The following ALPG variants were observed in gnomAD, a reference collection of about 807,000 sequenced individuals.
ALPG encodes alkaline phosphatase, germ cell type.
Under a neutral mutation model 48.6 loss-of-function variants are expected in ALPG, and 32 were observed. That is an observed-to-expected ratio of 0.66 (90% CI 0.50 to 0.88). The LOEUF is 0.88. Among genes scored for constraint, ALPG ranks in the 40% least tolerant of loss-of-function variants. The probability of loss-of-function intolerance (pLI) is 0.00; values close to 1 mark genes in which losing one functional copy is unlikely to be tolerated. For missense variants in ALPG, 533 were observed against 718.1 expected (o/e 0.74, Z 2.95); for synonymous variants, 244 against 308.9 (o/e 0.79, Z 2.20).
chr2:232,408,047 G>C (rs375443589), intron 5 of ALPG, 30 bp downstream of exon 5: 8 of 1,594,166 alleles, frequency 5.0e-6, no homozygotes, highest in Non-Finnish European at 6.8e-6. Flanking sequence ...GGCTGGGGCT[G>C]GGCAGAGAGT....
intron 1 of ALPG, 45 bp from the exon 2 acceptor site, chr2:232,407,012 C>A (rs1263688912): frequency 1.2e-6 from 2 of 1,610,178 alleles, no homozygotes; most frequent in South Asian, 1.1e-5. Flanking sequence ...ACACAGGGCA[C>A]CCCCCAGCCC....
chr2:232,407,794 A>G, intron 4 of ALPG, 26 bp downstream of exon 4: 1 of 1,613,780 alleles, frequency 6.2e-7, no homozygotes, highest in East Asian at 2.2e-5. Context: ...CTGTGGGGTC[A>G]GGGCCAGGTG....
rs764875560 is a variant in ALPG at position 232,407,699 on chromosome 2, C to T, written c.406C>T (p.Arg136Cys). ...GACCATTGGCTTGAGTGCAGCCGCC[C>T]GCTTTAACCAGTGCAACACGACACG... The part of the protein sequence containing the change: ...FQTIGLSAAA[R>C]FNQCNTTRGN... The change falls in exon 4 of 11, where the codon CGC becomes TGC. Residue 136 changes from arginine (R) to cysteine (C), a missense_variant. By Grantham distance (180) the Arg-to-Cys change is radical. Coordinates refer to ENST00000295453, the MANE Select transcript of ALPG (RefSeq NM_031313.3). 36 of 1,613,682 alleles carry T rather than the reference C, an allele frequency of 2.2e-5. 1 individual carries two copies. The highest frequency in any genetic ancestry group is 1.0e-4 in the Admixed American group (6 of 59,994).
rs1306003777 is a variant in ALPG at position 232,408,420 on chromosome 2, T to C, written c.783+19T>C. On this transcript the variant is annotated intron_variant, in intron 6 of 10. Coordinates refer to ENST00000295453, the MANE Select transcript of ALPG (RefSeq NM_031313.3). ...GCACCAGGTGATGGGGGCTGGTGGG[T>C]GTGCTGGGCACAGCAGGGGGAGGGC... 6.9e-7 allele frequency: 1 copy of C among 1,454,520 alleles called. No individual in the cohort carries two copies. Among genetic ancestry groups the C allele is most frequent in the Admixed American group, 1.8e-5 (1 of 55,682 alleles). The allele number at this position is 1,454,520 out of a possible 1,614,324, so 90.1% of individuals were successfully genotyped here.
In ALPG at chr2:232,409,690, G is replaced by C; in HGVS notation, c.1417G>C (p.Glu473Gln). The change falls in exon 11 of 11, where the codon GAG becomes CAG. Residue 473 changes from glutamate to glutamine, a missense_variant. Around this residue, in one of 6 missense-constraint regions of ALPG, gnomAD observed 145 missense variants for 174.3 expected, o/e 0.83. Transcript: ENST00000295453. Reference protein sequence around the residue: ...PQAHLVHGVQEQTFIAHVMAF... With the variant: ...PQAHLVHGVQQQTFIAHVMAF... ...GGCGCACCTGGTTCACGGCGTGCAGGAGCAGACCTTCATAGCGCACGTCAT... is the reference window on the plus strand; with the variant it reads ...GGCGCACCTGGTTCACGGCGTGCAGCAGCAGACCTTCATAGCGCACGTCAT... The C allele has an allele frequency of 6.2e-7, 1 of 1,611,576 alleles. No homozygotes were observed. Among genetic ancestry groups the C allele is most frequent in the Non-Finnish European group, 8.5e-7 (1 of 1,179,200 alleles).
chr2:232,407,717 A>G lies in ALPG; in HGVS notation c.424A>G (p.Thr142Ala), dbSNP rs1006383711. The G allele has an allele frequency of 6.2e-7, 1 of 1,613,676 alleles. No homozygotes were observed. The highest frequency in any genetic ancestry group is 1.3e-5 in the African/African-American group (1 of 74,942). ...SAAARFNQCN[T>A]TRGNEVISVM... ...AGCCGCCCGCTTTAACCAGTGCAAC[A>G]CGACACGCGGCAACGAGGTCATCTC... is the stretch of plus-strand genomic sequence containing the variant. The change falls in exon 4 of 11, where the codon ACG becomes GCG. Residue 142 changes from threonine (T) to alanine (A), a missense_variant. Around this residue, in one of 6 missense-constraint regions of ALPG, gnomAD observed 315 missense variants for 305.8 expected, o/e 1.03. Transcript: ENST00000295453.
Position 232,409,839 on chromosome 2 carries a change from C to T in ALPG, c.1566C>T (p.Thr522=). ...CGTTGCTTCCTCTGCTGGCAGGGAC[C>T]TTGCTGCTGCTGGGGACGGCCACTG... ...VPALLPLLAG[T]LLLLGTATAP Residue 522 remains threonine (T), a synonymous_variant, in exon 11 of 11, where the codon ACC becomes ACT. Transcript: ENST00000295453. 5.0e-6 allele frequency: 8 copies of T among 1,585,458 alleles called. No individual in the cohort carries two copies. The highest frequency in any genetic ancestry group is 6.8e-6 in the Non-Finnish European group (8 of 1,169,152).
rs766272646 is a variant in ALPG at position 232,407,961 on chromosome 2, C to T, written c.592C>T (p.Arg198Cys). The change falls in exon 5 of 11, where the codon CGC (arginine) becomes TGC (cysteine). Residue 198 changes from arginine to cysteine, a missense_variant. Arg to Cys is a radical substitution (Grantham distance 180). Transcript: ENST00000295453. ...YSDADVPASA[R>C]QEGCQDIATQ... ...GGATGCCGACGTGCCTGCCTCGGCCCGCCAGGAGGGGTGCCAGGACATCGC... is the reference window on the plus strand; with the variant it reads ...GGATGCCGACGTGCCTGCCTCGGCCTGCCAGGAGGGGTGCCAGGACATCGC... 6.8e-6 allele frequency: 11 copies of T among 1,613,044 alleles called. No individual in the cohort carries two copies. The highest frequency in any genetic ancestry group is 2.2e-5 in the East Asian group (1 of 44,882).
In ALPG at chr2:232,408,512, C is replaced by G. The variant is rs139635053; in HGVS notation, c.795C>G (p.Tyr265Ter). ...CTCCCTCCCCGCAGGGTGCCCGGTA[C>G]GTGTGGAACCGCACTGAGCTCCTGC... Reference protein sequence around the residue: ...EWLAKHQGARYVWNRTELLQA... With the variant: ...EWLAKHQGAR Residue 265 changes from tyrosine (Y) to a stop codon, truncating the protein, a stop_gained, in exon 7 of 11, where the codon TAC becomes TAG. Transcript: ENST00000295453. LOFTEE classifies it high-confidence loss of function. 8 of 1,592,282 alleles carry G rather than the reference C, an allele frequency of 5.0e-6. No individual in the cohort carries two copies. Among genetic ancestry groups the G allele is most frequent in the South Asian group, 1.1e-5 (1 of 90,104 alleles).
At position 232,409,662 on chromosome 2, in the gene ALPG, G is replaced by A. The variant is rs1483187011; in HGVS notation, c.1389G>A (p.Pro463=). The stretch of plus-strand genomic sequence containing the variant: ...ACGTGGCGGTGTTCGCGCGCGGCCC[G>A]CAGGCGCACCTGGTTCACGGCGTGC... ...GEDVAVFARG[P]QAHLVHGVQE... Residue 463 remains proline (P), a synonymous_variant, in exon 11 of 11, where the codon CCG becomes CCA. Coordinates refer to ENST00000295453, the MANE Select transcript of ALPG (RefSeq NM_031313.3). The A allele has an allele frequency of 6.8e-6, 11 of 1,611,640 alleles. No homozygotes were observed. The East Asian group carries it at 1.1e-4, about 16-fold the overall frequency.
chr2:232,408,635 T>C (rs1697135493), intron 7 of ALPG, 62 bp downstream of exon 7: 2 of 1,499,626 alleles, frequency 1.3e-6, no homozygotes, highest in Admixed American at 3.5e-5. Flanking sequence ...CTTCTGAGCC[T>C]GTGTGCACAT....
chr2:232,407,313 C>G lies in ALPG; in HGVS notation c.212C>G (p.Ala71Gly). 1 of 1,613,904 alleles carries G rather than the reference C, an allele frequency of 6.2e-7. No homozygotes were observed. The highest frequency in any genetic ancestry group is 8.5e-7 in the Non-Finnish European group (1 of 1,179,976). ...DGMGVSTVTA[A>G]RILKGQKKDK... ...ATGGGGGTGTCTACGGTGACAGCTG[C>G]CAGGATCCTAAAAGGGCAGAAGAAG... The change falls in exon 3 of 11, where the codon GCC becomes GGC. Residue 71 changes from alanine (A) to glycine (G), a missense_variant. Ala to Gly is a moderately conservative substitution (Grantham distance 60). This residue lies in a region of ALPG where 315 missense variants were observed against 305.8 expected (regional missense o/e 1.03). Coordinates refer to ENST00000295453, the MANE Select transcript of ALPG (RefSeq NM_031313.3).
Position 232,409,563 on chromosome 2 carries a change from C to T in ALPG, c.1301-11C>T, listed in dbSNP as rs1697151704. The stretch of plus-strand genomic sequence containing the variant: ...CTGAAACTTCCTACTGAAACTGAAC[C>T]CTCCAACCAGGGAGCCCCGAGTATC... On this transcript the variant is annotated splice_polypyrimidine_tract_variant and intron_variant, in intron 10 of 10. Transcript: ENST00000295453. 1.9e-6 allele frequency: 3 copies of T among 1,612,478 alleles called. No homozygotes were observed. Among genetic ancestry groups the T allele is most frequent in the Non-Finnish European group, 2.5e-6 (3 of 1,179,436 alleles).
chr2:232,409,782 C>A lies in ALPG; in HGVS notation c.1509C>A (p.Asp503Glu), dbSNP rs760321300. 2 of 1,603,204 alleles carry A rather than the reference C, an allele frequency of 1.2e-6. No homozygotes were observed. The highest frequency in any genetic ancestry group is 1.7e-6 in the Non-Finnish European group (2 of 1,175,760). Residue 503 changes from aspartate to glutamate, a missense_variant, in exon 11 of 11, where the codon GAC becomes GAA. Coordinates refer to ENST00000295453, the MANE Select transcript of ALPG (RefSeq NM_031313.3). ...TGGCGCCCCGCGCCGGCACCACCGA[C>A]GCCGCGCACCCGGGGCCGTCCGTGG... ...CDLAPRAGTT[D>E]AAHPGPSVVP...
At position 232,406,899 on chromosome 2, in the gene ALPG, A is replaced by T. The variant is rs1130334; in HGVS notation, c.5A>T (p.Gln2Leu). Reference protein sequence around the residue: MQGPWVLLLLGL... With the variant: MLGPWVLLLLGL... ...GCTCTCCGACTGCTTCCAGACATGCAGGGGCCCTGGGTGCTGCTCCTGCTG... is the reference window on the plus strand; with the variant it reads ...GCTCTCCGACTGCTTCCAGACATGCTGGGGCCCTGGGTGCTGCTCCTGCTG... Residue 2 changes from glutamine to leucine, a missense_variant, in exon 1 of 11, where the codon CAG becomes CTG. Coordinates refer to ENST00000295453, the MANE Select transcript of ALPG (RefSeq NM_031313.3). 2 of 1,611,712 alleles carry T rather than the reference A, an allele frequency of 1.2e-6. No homozygotes were observed. Among genetic ancestry groups the T allele is most frequent in the Admixed American group, 1.7e-5 (1 of 59,886 alleles).
intron 10 of ALPG, 31 bp from the exon 11 acceptor site, chr2:232,409,543 A>G (rs1697150760): frequency 6.2e-7 from 1 of 1,611,788 alleles, no homozygotes; most frequent in South Asian, 1.1e-5. Context: ...TGGAACTGAA[A>G]CTTCCTACTG....
intron 3 of ALPG, 21 bp from the exon 4 acceptor site, chr2:232,407,573 T>C (rs1478914788): frequency 1.2e-6 from 2 of 1,613,380 alleles, no homozygotes; most frequent in Non-Finnish European, 1.7e-6. Flanking sequence ...AGAGAAGAGC[T>C]CAGAGTGTCT....
At position 232,407,905 on chromosome 2, in the gene ALPG, A is replaced by G. The variant is rs549626071; in HGVS notation, c.536A>G (p.Tyr179Cys). The G allele has an allele frequency of 9.3e-6, 15 of 1,613,468 alleles. No homozygotes were observed. The highest frequency in any genetic ancestry group is 2.2e-5 in the East Asian group (1 of 44,882). ...RVQHASPAGA[Y>C]AHTVNRNWYS... is the part of the protein sequence containing the mutation. ...CAGCATGCCTCGCCAGCCGGCGCCT[A>G]CGCCCACACGGTGAACCGCAACTGG... Residue 179 changes from tyrosine (Y) to cysteine (C), a missense_variant, in exon 5 of 11, where the codon TAC becomes TGC. Around this residue, in one of 6 missense-constraint regions of ALPG, gnomAD observed 315 missense variants for 305.8 expected, o/e 1.03. Transcript: ENST00000295453.
Position 232,407,783 on chromosome 2 carries a change from G to T in ALPG, c.475+15G>T. The stretch of plus-strand genomic sequence containing the variant: ...CAAGAAAGCAGGTGAGCTGGGGCCC[G>T]CTGTGGGGTCAGGGCCAGGTGACAG... On this transcript the variant is annotated intron_variant, in intron 4 of 10. Coordinates refer to ENST00000295453, the MANE Select transcript of ALPG (RefSeq NM_031313.3). 6.2e-7 allele frequency: 1 copy of T among 1,613,808 alleles called. No individual in the cohort carries two copies. Among genetic ancestry groups the T allele is most frequent in the Non-Finnish European group, 8.5e-7 (1 of 1,180,022 alleles).
Sources: allele counts gnomAD v4.1 joint callset, GRCh38; gene constraint gnomAD v4.1.1; regional missense constraint gnomAD v4.1.1; transcripts MANE v1.5; gene names NCBI Gene and HGNC (gene_info 2026-07-23, HGNC 2026-07-21).